The following ACVR1 variants were observed in gnomAD, a reference collection of about 807,000 sequenced individuals.
ACVR1 encodes the protein activin receptor type-1.
ACVR1 carries 38 observed loss-of-function variants against 57.1 expected under a neutral mutation model. That is an observed-to-expected ratio of 0.67 (90% CI 0.51 to 0.87). The LOEUF is 0.87. Among genes scored for constraint, ACVR1 ranks in the 40% least tolerant of loss-of-function variants. The probability of loss-of-function intolerance (pLI) is 0.00; values close to 1 mark genes in which losing one functional copy is unlikely to be tolerated. For synonymous variants in ACVR1, 212 were observed against 228.1 expected (o/e 0.93, Z 0.63); for missense variants, 463 against 638.2 (o/e 0.73, Z 2.96).
intron 1 of ACVR1, among the ~76,000 whole-genome samples, chr2:157,846,222 G>A (rs1447090244): frequency 6.6e-6 from 1 of 152,204 alleles, no homozygotes; most frequent in African/African-American, 2.4e-5. Flanking sequence ...GAAAGAATGT[G>A]CTTTGAAGAT....
chr2:157,823,324 T>A (rs1355251083), intron 1 of ACVR1, among the ~76,000 whole-genome samples: 1 of 152,176 alleles, frequency 6.6e-6, no homozygotes, highest in Non-Finnish European at 1.5e-5. Flanking sequence ...TTCTAGGGAT[T>A]TGGAAAAACA....
intron 5 of ACVR1, among the ~76,000 whole-genome samples, 153 bp downstream of exon 5, chr2:157,777,978 G>A (rs556308924): frequency 1.1e-4 from 16 of 152,284 alleles, no homozygotes; most frequent in Admixed American, 9.1e-4. Context: ...CTACACAGGT[G>A]CCAGCATGTG....
chr2:157,863,821 T>C (rs1689819699), intron 1 of ACVR1, among the ~76,000 whole-genome samples: 1 of 152,120 alleles, frequency 6.6e-6, no homozygotes, highest in African/African-American at 2.4e-5. Flanking sequence ...TCCAAGTCTT[T>C]TAACTTGGAA....
At chr2:157,871,884 C>T (rs1454554695) in intron 1 of ACVR1, among the ~76,000 whole-genome samples, 5 of 152,148 alleles carry the variant, frequency 3.3e-5, no homozygotes, top group Admixed American at 1.3e-4. Context: ...CCCATCTGAA[C>T]CAAAGGCTGT....
At chr2:157,756,302 G>A (rs1685423667) in intron 9 of ACVR1, among the ~76,000 whole-genome samples, 1 of 151,706 alleles carries the variant, frequency 6.6e-6, no homozygotes. Flanking sequence ...TAAAAGCGAA[G>A]ATAAATAGGT....
intron 5 of ACVR1, among the ~76,000 whole-genome samples, chr2:157,777,115 T>C (rs1464673139): frequency 2.0e-5 from 3 of 152,228 alleles, no homozygotes; most frequent in African/African-American, 7.2e-5. Context: ...TTAGAGCAAG[T>C]GATACCCTTT....
chr2:157,757,043 TA>T (rs57243423), intron 9 of ACVR1, among the ~76,000 whole-genome samples: 3 of 137,252 alleles, frequency 2.2e-5, no homozygotes, highest in African/African-American at 8.8e-5. Context: ...TATATATATA[TA>T]AAATAGAATA....
chr2:157,757,006 GATATATATATATTTGATATAT>G (rs1183819389), intron 9 of ACVR1, among the ~76,000 whole-genome samples: 3 of 129,600 alleles, frequency 2.3e-5, no homozygotes, highest in African/African-American at 3.3e-5. Context: ...ATATATTTGA[GATATATATATATTTGATATAT>G]ATATATATAT....
intron 1 of ACVR1, among the ~76,000 whole-genome samples, chr2:157,875,379 C>A (rs1460682792): frequency 6.6e-6 from 1 of 152,052 alleles, no homozygotes; most frequent in Non-Finnish European, 1.5e-5. Flanking sequence ...GGGGGAAATT[C>A]GCCTATCTAT....
intron 9 of ACVR1, among the ~76,000 whole-genome samples, chr2:157,756,110 A>G (rs1346909607): frequency 6.6e-6 from 1 of 152,176 alleles, no homozygotes; most frequent in East Asian, 1.9e-4. Flanking sequence ...CTGACAAGCC[A>G]CATGTAGGAG....
At position 157,805,820 on chromosome 2, in the gene ACVR1, C is replaced by CTT. The variant is rs1222482675; in HGVS notation, c.-7-6322_-7-6321dup. ...TGTTTGGGTTTTTTTTTTCTTTTTTCTTTTTTTTTTTTTTTTTTTTTGAGA... is the reference window on the plus strand; with the variant it reads ...TGTTTGGGTTTTTTTTTTCTTTTTTCTTTTTTTTTTTTTTTTTTTTTTTGAGA... On this transcript the variant is annotated intron_variant, in intron 2 of 10. Transcript: ENST00000434821. 8.2e-3 allele frequency among the ~76,000 whole-genome samples: 246 copies of CTT among 30,162 alleles called. 3 individuals are homozygous for CTT. The highest frequency in any genetic ancestry group is 0.011 in the African/African-American group (213 of 18,650). The allele number at this position is 30,162 out of a possible 152,430, so 19.8% of individuals were successfully genotyped here.
intron 4 of ACVR1, among the ~76,000 whole-genome samples, chr2:157,779,829 A>AAG (rs949253896): frequency 5.3e-5 from 8 of 152,124 alleles, no homozygotes; most frequent in Middle Eastern, 3.4e-3. Flanking sequence ...CCTGCTTCAA[A>AAG]TTTCAGTGAT....
chr2:157,780,050 C>CG (rs1686443530), intron 4 of ACVR1, among the ~76,000 whole-genome samples: 1 of 152,214 alleles, frequency 6.6e-6, no homozygotes, highest in Non-Finnish European at 1.5e-5. Flanking sequence ...GTATTGGGAG[C>CG]TGTTCACCTG....
chr2:157,870,349 T>C (rs1690077521), intron 1 of ACVR1, among the ~76,000 whole-genome samples: 1 of 152,222 alleles, frequency 6.6e-6, no homozygotes, highest in Admixed American at 6.5e-5. Context: ...TGCTTTTCGA[T>C]GGCATGGTGA....
intron 1 of ACVR1, among the ~76,000 whole-genome samples, chr2:157,858,095 T>C (rs1406716706): frequency 2.0e-5 from 3 of 151,966 alleles, no homozygotes; most frequent in Non-Finnish European, 2.9e-5. Context: ...CCACTAAAAG[T>C]TGGTTTCCTC....
chr2:157,742,921 G>C (rs889977977), intron 9 of ACVR1, among the ~76,000 whole-genome samples: 3 of 152,120 alleles, frequency 2.0e-5, no homozygotes, highest in Non-Finnish European at 4.4e-5. Flanking sequence ...CCCTCAGTGA[G>C]ATCTGTAGGA....
intron 1 of ACVR1, among the ~76,000 whole-genome samples, chr2:157,823,796 T>A (rs181812784): frequency 5.3e-4 from 80 of 152,262 alleles, no homozygotes; most frequent in African/African-American, 1.8e-3. Flanking sequence ...ATCCCTTTCA[T>A]CTGTCCAGCC....
chr2:157,746,723 C>T (rs1553497098), intron 9 of ACVR1, among the ~76,000 whole-genome samples: 1 of 152,254 alleles, frequency 6.6e-6, no homozygotes, highest in Non-Finnish European at 1.5e-5. Flanking sequence ...CTGTGATGCA[C>T]ATTCCAGTTT....
intron 3 of ACVR1, among the ~76,000 whole-genome samples, chr2:157,793,766 G>GA (rs1687008889): frequency 6.6e-6 from 1 of 152,094 alleles, no homozygotes; most frequent in African/African-American, 2.4e-5. Flanking sequence ...CTAATAATGA[G>GA]AAAATCAAAG....
Sources: allele counts gnomAD v4.1 joint callset (sites outside exome capture counted in the v4.1 genomes callset), GRCh38; gene constraint gnomAD v4.1.1; transcripts MANE v1.5; gene names NCBI Gene and HGNC (gene_info 2026-07-23, HGNC 2026-07-21).